Variants in LOXL2 observed in about 807,000 individuals in gnomAD.
The protein encoded by LOXL2 is lysyl oxidase homolog 2.
A neutral mutation model predicts 93.0 loss-of-function variants in LOXL2; 70 were observed. The ratio of observed to expected loss-of-function variants is 0.75; its 90% CI spans 0.62 to 0.92. The LOEUF is 0.92. Among genes scored for constraint, LOXL2 ranks in the 40% least tolerant of loss-of-function variants. The pLI is 0.00. For missense variants in LOXL2, 973 were observed against 1,054.9 expected, an observed-to-expected ratio of 0.92 and a Z score of 1.08; for synonymous variants, 438 against 413.2, an observed-to-expected ratio of 1.06 and a Z score of -0.73.
At chr8:23,353,141 T>C (rs1804124862) in intron 3 of LOXL2, among the ~76,000 whole-genome samples, 1 of 152,100 alleles carries the variant, frequency 6.6e-6, no homozygotes, top group South Asian at 2.1e-4. Flanking sequence ...CTGGGCAACG[T>C]GCGGAGCAGC....
chr8:23,368,519 C>T, intron 1 of LOXL2, 85 bp from the exon 2 acceptor site: 1 of 623,496 alleles, frequency 1.6e-6, no homozygotes, highest in Non-Finnish European at 2.8e-6. Context: ...TACCCCTTGG[C>T]TTAATATGGA....
chr8:23,315,540 A>G (rs4273857), intron 9 of LOXL2, among the ~76,000 whole-genome samples: 119,363 of 152,084 alleles, frequency 0.78, 46,933 homozygotes, highest in South Asian at 0.87. Flanking sequence ...GGCTCATCTC[A>G]TAAATCTCAG....
intron 3 of LOXL2, among the ~76,000 whole-genome samples, chr8:23,344,187 G>A (rs1730588473): frequency 6.6e-6 from 1 of 152,244 alleles, no homozygotes; most frequent in Non-Finnish European, 1.5e-5. Flanking sequence ...TCTCGTTCCT[G>A]CGATGATGCG....
Position 23,346,063 on chromosome 8 carries a change from G to A in LOXL2, c.532-4860C>T, listed in dbSNP as rs897403335. Among the ~76,000 whole-genome samples the A allele has an allele frequency of 1.7e-4, 23 of 135,980 alleles. No homozygotes were observed. In the East Asian group the frequency reaches 3.8e-3, roughly 22 times the overall value. The allele number at this position is 135,980 out of a possible 152,430, so 89.2% of individuals were successfully genotyped here. On this transcript the variant is annotated intron_variant, in intron 3 of 13. Transcript: ENST00000389131. ...AGCCTGGGCGACAGAGCGAGACTCC[G>A]TCTCAAAAATAAAATAAAATAATAA...
chr8:23,315,871 G>A (rs1803386505), intron 9 of LOXL2, among the ~76,000 whole-genome samples: 1 of 152,100 alleles, frequency 6.6e-6, no homozygotes, highest in Admixed American at 6.6e-5. Context: ...ATTTCCTTCT[G>A]GAAAAGATGG....
intron 8 of LOXL2, among the ~76,000 whole-genome samples, chr8:23,317,739 G>A (rs13248926): frequency 0.56 from 84,432 of 152,022 alleles, 25,804 homozygotes; most frequent in Non-Finnish European, 0.69. Context: ...ATGGGCCTTC[G>A]AAATACTGTT....
chr8:23,356,509 T>C (rs1563200706), intron 3 of LOXL2, among the ~76,000 whole-genome samples: 1 of 152,176 alleles, frequency 6.6e-6, no homozygotes, highest in Non-Finnish European at 1.5e-5. Context: ...GCATGAGCCT[T>C]AGCCACAAAG....
chr8:23,323,330 G>T (rs1451762257), intron 6 of LOXL2, among the ~76,000 whole-genome samples: 1 of 152,208 alleles, frequency 6.6e-6, no homozygotes, highest in Non-Finnish European at 1.5e-5. Flanking sequence ...AGAGCAGAAG[G>T]TTCTGTCTGG....
At chr8:23,313,059 A>G (rs1803341965) in intron 9 of LOXL2, among the ~76,000 whole-genome samples, 3 of 151,626 alleles carry the variant, frequency 2.0e-5, no homozygotes. Context: ...AATTGCTTCA[A>G]AGAGAATAAA....
chr8:23,327,532 C>T (rs563332243), intron 6 of LOXL2, among the ~76,000 whole-genome samples: 5 of 152,264 alleles, frequency 3.3e-5, no homozygotes, highest in African/African-American at 1.2e-4. Flanking sequence ...TAGCAGCCGA[C>T]GGTCTGCAGC....
intron 1 of LOXL2, among the ~76,000 whole-genome samples, chr8:23,369,638 G>A (rs1177917666): frequency 2.0e-5 from 3 of 152,112 alleles, no homozygotes; most frequent in Admixed American, 6.5e-5. Context: ...TCAGTGCCCC[G>A]AAGAGGATGC....
chr8:23,381,911 G>A (rs745666157), intron 1 of LOXL2, among the ~76,000 whole-genome samples: 1 of 152,216 alleles, frequency 6.6e-6, no homozygotes, highest in Non-Finnish European at 1.5e-5. Context: ...CACAGTGCCT[G>A]GTGCACGTTA....
intron 1 of LOXL2, among the ~76,000 whole-genome samples, chr8:23,396,792 A>C (rs1367314680): frequency 6.6e-6 from 1 of 152,244 alleles, no homozygotes; most frequent in African/African-American, 2.4e-5. Context: ...AACGTATTTG[A>C]AATCTCCTGC....
intron 9 of LOXL2, among the ~76,000 whole-genome samples, chr8:23,310,705 G>C (rs1803308940): frequency 6.6e-6 from 1 of 152,142 alleles, no homozygotes; most frequent in Non-Finnish European, 1.5e-5. Context: ...GATTCCTACT[G>C]CCAAATTGCC....
At chr8:23,384,502 T>C (rs1250075263) in intron 1 of LOXL2, among the ~76,000 whole-genome samples, 2 of 152,186 alleles carry the variant, frequency 1.3e-5, no homozygotes, top group Admixed American at 6.5e-5. Context: ...CCACTCAGCT[T>C]ACTTCCAACA....
intron 10 of LOXL2, among the ~76,000 whole-genome samples, chr8:23,304,290 T>C (rs1180437657): frequency 6.6e-6 from 1 of 152,326 alleles, no homozygotes; most frequent in Middle Eastern, 3.4e-3. Flanking sequence ...TTGGAACACA[T>C]GCGCTTGGTT....
chr8:23,381,525 G>C lies in LOXL2; in HGVS notation c.-83-13091C>G, dbSNP rs987632739. Among the ~76,000 whole-genome samples, 6 of 152,094 alleles carry C rather than the reference G, an allele frequency of 3.9e-5. No homozygotes were observed. The South Asian group carries it at 1.2e-3, about 32-fold the overall frequency. The stretch of plus-strand genomic sequence containing the variant: ...TTCCTCCATCTGATAAGCAAAAAAG[G>C]GTATTTTGTTTTAACAAGCATTCTT... On this transcript the variant is annotated intron_variant, in intron 1 of 13. Transcript: ENST00000389131.
intron 7 of LOXL2, 47 bp from the exon 8 acceptor site, chr8:23,320,099 C>A (rs1296737193): frequency 5.0e-6 from 8 of 1,594,678 alleles, no homozygotes; most frequent in Non-Finnish European, 6.8e-6. Flanking sequence ...GACAAGGGAG[C>A]TTCCCCCCTA....
intron 1 of LOXL2, among the ~76,000 whole-genome samples, chr8:23,386,247 G>C (rs1804758020): frequency 6.6e-6 from 1 of 152,148 alleles, no homozygotes; most frequent in Non-Finnish European, 1.5e-5. Context: ...ACAAAAATTA[G>C]CCGGGCGTGG....
Sources: allele counts gnomAD v4.1 joint callset (sites outside exome capture counted in the v4.1 genomes callset), GRCh38; gene constraint gnomAD v4.1.1; transcripts MANE v1.5; gene names NCBI Gene and HGNC (gene_info 2026-07-23, HGNC 2026-07-21).